Variants in SLC4A5 observed in about 807,000 individuals in gnomAD.
SLC4A5 encodes the protein electrogenic sodium bicarbonate cotransporter 4.
SLC4A5 carries 96 observed loss-of-function variants against 120.4 expected under a neutral mutation model. The observed-to-expected ratio is 0.80, with a 90% CI of 0.68 to 0.94. The LOEUF is 0.94. Among genes scored for constraint, SLC4A5 ranks in the 40% least tolerant of loss-of-function variants. SLC4A5 has a pLI of 0.00. For synonymous variants in SLC4A5, 550 were observed against 571.1 expected, an observed-to-expected ratio of 0.96 and a Z score of 0.53; for missense variants, 1,259 against 1,459.5, an observed-to-expected ratio of 0.86 and a Z score of 2.24.
exon 29 of SLC4A5, chr2:74,222,937 G>T (rs769159779): frequency 1.1e-5 from 17 of 1,611,988 alleles, no homozygotes; most frequent in Non-Finnish European, 1.4e-5. Context: ...ATAACCGAGG[G>T]AGGAGGGAAC....
At chr2:74,224,994 A>T in exon 28 of SLC4A5, 1 of 1,613,428 alleles carries the variant, frequency 6.2e-7, no homozygotes, top group East Asian at 2.2e-5. Flanking sequence ...GAGGCCCAGG[A>T]TCTGTGGTGG....
At chr2:74,304,737 T>TC in intron 6 of SLC4A5, 57 bp from the exon 7 acceptor site, 1 of 1,517,778 alleles carries the variant, frequency 6.6e-7, no homozygotes, top group South Asian at 1.3e-5. Flanking sequence ...TGGCATTTTT[T>TC]CATAATATTC....
chr2:74,316,717 G>A (rs1281751177), intron 5 of SLC4A5, among the ~76,000 whole-genome samples: 2 of 152,164 alleles, frequency 1.3e-5, no homozygotes, highest in Admixed American at 6.5e-5. Context: ...CACTGGCCTT[G>A]AGACAAGCAA....
intron 7 of SLC4A5, among the ~76,000 whole-genome samples, chr2:74,301,709 T>C (rs1277161135): frequency 1.3e-5 from 2 of 152,230 alleles, no homozygotes; most frequent in African/African-American, 4.8e-5. Context: ...GGTTTATATC[T>C]GTATCACACA....
intron 7 of SLC4A5, among the ~76,000 whole-genome samples, chr2:74,288,502 T>G (rs893761171): frequency 2.0e-5 from 3 of 152,254 alleles, no homozygotes; most frequent in Non-Finnish European, 4.4e-5. Flanking sequence ...ATGTGACTTA[T>G]GGCTCTTATA....
intron 6 of SLC4A5, among the ~76,000 whole-genome samples, chr2:74,304,972 T>C (rs1433781874): frequency 6.6e-6 from 1 of 152,190 alleles, no homozygotes; most frequent in Non-Finnish European, 1.5e-5. Context: ...TGGATATGGC[T>C]TATGACACGT....
Position 74,240,495 on chromosome 2 carries a change from C to A in SLC4A5, c.2119-960G>T, listed in dbSNP as rs1484171435. ...CTTTTTTAGCCTTCAGTGCACATGGCCCCTTGCATATAATAGGGATTCAGA... is the reference window on the plus strand; with the variant it reads ...CTTTTTTAGCCTTCAGTGCACATGGACCCTTGCATATAATAGGGATTCAGA... On this transcript the variant is annotated intron_variant, in intron 20 of 30. Coordinates refer to ENST00000394019, the Ensembl canonical transcript of SLC4A5. Among the ~76,000 whole-genome samples the A allele has an allele frequency of 2.0e-5, 3 of 152,238 alleles. No individual in the cohort carries two copies. In the East Asian group the frequency reaches 5.8e-4, roughly 29 times the overall value.
chr2:74,266,392 C>G (rs1336119444), intron 8 of SLC4A5, among the ~76,000 whole-genome samples: 1 of 152,060 alleles, frequency 6.6e-6, no homozygotes, highest in Non-Finnish European at 1.5e-5. Context: ...ACTCAGCCTC[C>G]CAAGTAGCTG....
At chr2:74,302,721 T>C (rs1239028084) in intron 7 of SLC4A5, among the ~76,000 whole-genome samples, 1 of 152,226 alleles carries the variant, frequency 6.6e-6, no homozygotes, top group African/African-American at 2.4e-5. Context: ...CAATGTCAAA[T>C]CCACCATCTA....
intron 8 of SLC4A5, among the ~76,000 whole-genome samples, chr2:74,275,063 T>C (rs531514369): frequency 1.1e-4 from 17 of 152,262 alleles, no homozygotes; most frequent in African/African-American, 3.1e-4. Flanking sequence ...AGTCTTTCCT[T>C]TTGGTGGCCT....
chr2:74,298,485 G>GAA (rs1672392618), intron 7 of SLC4A5, among the ~76,000 whole-genome samples: 1 of 152,168 alleles, frequency 6.6e-6, no homozygotes, highest in Admixed American at 6.5e-5. Flanking sequence ...GAAAACAGGA[G>GAA]AAAAGTTGTT....
rs1234282834 is a variant in SLC4A5, at chr2:74,246,899, T to G, written c.2059+137A>C. The G allele has an allele frequency of 2.6e-6, 3 of 1,133,750 alleles. No homozygotes were observed. The Admixed American group carries it at 6.4e-5, about 24-fold the overall frequency. 70.2% of individuals were successfully genotyped at this position (1,133,750 alleles called of 1,614,324 possible). A position where few individuals can be genotyped will look rare whatever the true frequency, so the allele number is the denominator to read the frequency against. ...CTTCCAAACACTGGGTTCAAGACCC[T>G]GTATTTGCTCTCTTGGAACTGTAAG... On this transcript the variant is annotated intron_variant, in intron 19 of 30. Transcript: ENST00000394019.
intron 18 of SLC4A5, 100 bp downstream of exon 18, chr2:74,248,253 C>T (rs904338695): frequency 6.3e-5 from 93 of 1,478,230 alleles, no homozygotes; most frequent in Admixed American, 4.0e-4. Flanking sequence ...TTGGCACCAC[C>T]GCACCACCAC....
intron 8 of SLC4A5, among the ~76,000 whole-genome samples, chr2:74,272,091 A>T (rs1173937579): frequency 6.6e-6 from 1 of 152,080 alleles, no homozygotes; most frequent in African/African-American, 2.4e-5. Context: ...AAAAGAAAGA[A>T]AGAGGCCTTA....
rs754562657 is a variant in SLC4A5 at position 74,224,974 on chromosome 2, G to A, written c.3112C>T (p.Arg1038Ter). Residue 1038 changes from arginine to a stop codon, truncating the protein, a stop_gained, in exon 28 of 31, where the codon CGA (arginine) becomes TGA (stop). Transcript: ENST00000394019. LOFTEE classifies it high-confidence loss of function. Reference sequence around the variant, plus strand: ...GAAAAGATGAAATCCAGAAGCCTTCGAACGATGATGAGGCCCAGGATCTGT... The same window carrying A: ...GAAAAGATGAAATCCAGAAGCCTTCAAACGATGATGAGGCCCAGGATCTGT... 25 of 1,613,988 alleles carry A rather than the reference G, an allele frequency of 1.5e-5. No individual in the cohort carries two copies. The highest frequency in any genetic ancestry group is 1.9e-5 in the Non-Finnish European group (23 of 1,180,008).
intron 2 of SLC4A5, chr2:74,339,673 A>G (rs972798319): frequency 6.6e-5 from 10 of 152,244 alleles, no homozygotes; most frequent in African/African-American, 2.2e-4. Flanking sequence ...TTCAAGAACA[A>G]TTAAGTAAAT....
Position 74,223,007 on chromosome 2 carries a change from C to CTTT in SLC4A5, c.3247-58_3247-56dup, listed in dbSNP as rs1238005058. The CTTT allele has an allele frequency of 1.5e-4, 139 of 920,922 alleles. 1 individual carries two copies. The highest frequency in any genetic ancestry group is 6.1e-4 in the African/African-American group (34 of 55,942). The allele number at this position is 920,922 out of a possible 1,614,324, so 57.0% of individuals were successfully genotyped here. The stretch of plus-strand genomic sequence containing the variant: ...AACACCAACACAACAATTTGGCTTT[C>CTTT]TTTTTTTTTTTTTTTGAGACAGAGT... On this transcript the variant is annotated intron_variant, in intron 28 of 30. Transcript: ENST00000394019.
chr2:74,259,755 C>T, intron 11 of SLC4A5, 112 bp from the exon 12 acceptor site: 2 of 985,920 alleles, frequency 2.0e-6, no homozygotes, highest in Non-Finnish European at 3.3e-6. Context: ...AGCAAACTCC[C>T]TCCCCCTTAA....
chr2:74,223,019 T>G, intron 28 of SLC4A5, 67 bp from the exon 29 acceptor site: 1 of 1,184,602 alleles, frequency 8.4e-7, no homozygotes, highest in East Asian at 2.4e-5. Context: ...TTTTTTTTTT[T>G]TTTGAGACAG....
Sources: allele counts gnomAD v4.1 joint callset (sites outside exome capture counted in the v4.1 genomes callset), GRCh38; gene constraint gnomAD v4.1.1; transcripts MANE v1.5; gene names NCBI Gene and HGNC (gene_info 2026-07-23, HGNC 2026-07-21).